Variants in CHEK1 observed in about 807,000 individuals in gnomAD.
CHEK1 encodes checkpoint kinase 1, also known as serine/threonine-protein kinase Chk1.
A neutral mutation model predicts 60.2 loss-of-function variants in CHEK1; 32 were observed. The ratio of observed to expected loss-of-function variants is 0.53; its 90% CI spans 0.40 to 0.71. CHEK1 has a LOEUF of 0.71. Ranked by LOEUF, CHEK1 falls within the 30% of genes least tolerant of loss-of-function variation. The pLI, the probability that CHEK1 is intolerant of heterozygous loss-of-function variation, is 0.00. For synonymous variants in CHEK1, 179 were observed against 187.2 expected, an observed-to-expected ratio of 0.96 and a Z score of 0.36; for missense variants, 399 against 564.6, an observed-to-expected ratio of 0.71 and a Z score of 2.97.
In CHEK1 at chr11:125,627,718, T is replaced by C. The variant is rs1207989718; in HGVS notation, c.177T>C (p.Asn59=). The C allele has an allele frequency of 6.2e-7, 1 of 1,613,774 alleles. No individual in the cohort carries two copies. Among genetic ancestry groups the C allele is most frequent in the Non-Finnish European group, 8.5e-7 (1 of 1,179,788 alleles). Residue 59 remains asparagine (N), a synonymous_variant, in exon 3 of 13, where the codon AAT becomes AAC. Coordinates refer to ENST00000438015, the MANE Select transcript of CHEK1 (RefSeq NM_001114122.3). The part of the protein sequence containing the change: ...PENIKKEICI[N]KMLNHENVVK... ...ATATTAAGAAAGAGATCTGTATCAA[T>C]AAAATGCTAAATCATGAAAATGTAG...
chr11:125,629,676 G>T (rs980563587), intron 5 of CHEK1, among the ~76,000 whole-genome samples: 1 of 152,016 alleles, frequency 6.6e-6, no homozygotes, highest in Non-Finnish European at 1.5e-5. Context: ...TGCGGATCAG[G>T]TAGAGAAATC....
At chr11:125,673,880 C>T (rs548421111) in intron 13 of CHEK1, among the ~76,000 whole-genome samples, 45 of 152,188 alleles carry the variant, frequency 3.0e-4, no homozygotes, top group East Asian at 1.4e-3. Flanking sequence ...AACATTTGGC[C>T]GGGCACAGTG....
intron 6 of CHEK1, among the ~76,000 whole-genome samples, chr11:125,634,633 C>T (rs529072833): frequency 6.2e-4 from 92 of 149,460 alleles, no homozygotes; most frequent in Non-Finnish European, 1.2e-3. Context: ...ACAATATTGT[C>T]CGGGCACACA....
chr11:125,665,325 G>A (rs1216075911), intron 13 of CHEK1, among the ~76,000 whole-genome samples: 2 of 150,314 alleles, frequency 1.3e-5, no homozygotes, highest in Non-Finnish European at 3.0e-5. Flanking sequence ...TCCCTAGGAT[G>A]AATTCTACCT....
chr11:125,629,474 T>C lies in CHEK1; in HGVS notation c.424+14T>C. On this transcript the variant is annotated intron_variant, in intron 5 of 12. Transcript: ENST00000438015. Reference sequence around the variant, plus strand: ...TGGATGAAAGGGGTAAGTTTAGCATTTTATCACTACCTAAAATAAAATAAA... The same window carrying C: ...TGGATGAAAGGGGTAAGTTTAGCATCTTATCACTACCTAAAATAAAATAAA... 1 of 1,550,328 alleles carries C rather than the reference T, an allele frequency of 6.5e-7. No individual in the cohort carries two copies. Among genetic ancestry groups the C allele is most frequent in the Non-Finnish European group, 8.9e-7 (1 of 1,126,762 alleles).
chr11:125,647,845 G>A (rs2136040866), intron 11 of CHEK1, among the ~76,000 whole-genome samples: 1 of 152,216 alleles, frequency 6.6e-6, no homozygotes, highest in South Asian at 2.1e-4. Flanking sequence ...TTTGTACATT[G>A]AACTATCAGA....
At chr11:125,677,769 G>C (rs372978241), downstream of CHEK1, 902 of 1,610,420 alleles carry the variant, frequency 5.6e-4, no homozygotes, top group Non-Finnish European at 7.0e-4. Context: ...TGAAGTCAAT[G>C]ACTGGCACCC....
At chr11:125,643,127 T>C (rs764422963) in intron 8 of CHEK1, 5 of 152,162 alleles carry the variant, frequency 3.3e-5, no homozygotes, top group Admixed American at 6.5e-5. Context: ...TCTAGTCCTT[T>C]AGCCAGGTCT....
At chr11:125,669,276 G>A (rs1161146049) in intron 13 of CHEK1, among the ~76,000 whole-genome samples, 2 of 152,150 alleles carry the variant, frequency 1.3e-5, no homozygotes, top group African/African-American at 4.8e-5. Context: ...TGTTACCTTC[G>A]CTTTTGAAGG....
intron 7 of CHEK1, 137 bp downstream of exon 7, chr11:125,635,670 T>C: frequency 1.9e-6 from 1 of 535,812 alleles, no homozygotes; most frequent in Non-Finnish European, 3.2e-6. Context: ...ATAGTAACTA[T>C]AAGTAAAAAA....
chr11:125,657,594 A>C (rs1941943095), downstream of CHEK1, among the ~76,000 whole-genome samples: 1 of 152,144 alleles, frequency 6.6e-6, no homozygotes, highest in Non-Finnish European at 1.5e-5. Context: ...TATGGTTTTT[A>C]TTAACGAACT....
intron 13 of CHEK1, among the ~76,000 whole-genome samples, chr11:125,664,971 A>G (rs1239793904): frequency 2.0e-5 from 3 of 152,184 alleles, no homozygotes; most frequent in African/African-American, 7.2e-5. Flanking sequence ...GGTGAAAGAT[A>G]CGGCTCTAGT....
chr11:125,658,073 T>C (rs187289343), downstream of CHEK1, among the ~76,000 whole-genome samples: 410 of 151,554 alleles, frequency 2.7e-3, 1 homozygote, highest in African/African-American at 9.0e-3. Flanking sequence ...TTTGTTAATG[T>C]TTTTTTTTCC....
chr11:125,670,115 A>G (rs1385277987), intron 13 of CHEK1, among the ~76,000 whole-genome samples: 1 of 152,228 alleles, frequency 6.6e-6, no homozygotes, highest in Non-Finnish European at 1.5e-5. Flanking sequence ...CCAATATGCT[A>G]TTAAACCATG....
At chr11:125,663,492 G>A (rs1203698273) in intron 13 of CHEK1, among the ~76,000 whole-genome samples, 1 of 151,956 alleles carries the variant, frequency 6.6e-6, no homozygotes, top group Non-Finnish European at 1.5e-5. Flanking sequence ...ATATTAGAGA[G>A]CAGTTTTTAT....
intron 13 of CHEK1, among the ~76,000 whole-genome samples, chr11:125,675,055 T>C (rs965483740): frequency 1.3e-5 from 2 of 152,222 alleles, no homozygotes; most frequent in African/African-American, 4.8e-5. Flanking sequence ...CACATCGGAA[T>C]TGTCTAGGAG....
chr11:125,677,775 C>T, downstream of CHEK1: 1 of 1,611,150 alleles, frequency 6.2e-7, no homozygotes, highest in Non-Finnish European at 8.5e-7. Flanking sequence ...CAATGACTGG[C>T]ACCCATCCAA....
chr11:125,671,094 A>G (rs192239310), intron 13 of CHEK1, among the ~76,000 whole-genome samples: 112 of 152,114 alleles, frequency 7.4e-4, no homozygotes, highest in Non-Finnish European at 1.4e-3. Flanking sequence ...TTTTGTAGAG[A>G]CGGGGTCTTG....
At chr11:125,660,752 CAAA>C (rs57658252), downstream of CHEK1, among the ~76,000 whole-genome samples, 1 of 140,456 alleles carries the variant, frequency 7.1e-6, no homozygotes. Context: ...GATTTATTAA[CAAA>C]AAAAAAAAAG....
Sources: allele counts gnomAD v4.1 joint callset (sites outside exome capture counted in the v4.1 genomes callset), GRCh38; gene constraint gnomAD v4.1.1; transcripts MANE v1.5; gene names NCBI Gene and HGNC (gene_info 2026-07-23, HGNC 2026-07-21).